NUP188: variants seen among roughly 807,000 people sequenced by gnomAD.
NUP188 encodes the protein nucleoporin 188.
A neutral mutation model predicts 223.0 loss-of-function variants in NUP188; 97 were observed. That is an observed-to-expected ratio of 0.43 (90% CI 0.37 to 0.51). The LOEUF is 0.51. Among genes scored for constraint, NUP188 ranks in the 20% least tolerant of loss-of-function variants. NUP188 has a pLI of 0.00. For synonymous variants in NUP188, 869 were observed against 828.0 expected, an observed-to-expected ratio of 1.05 and a Z score of -0.85; for missense variants, 1,947 against 2,175.6, an observed-to-expected ratio of 0.89 and a Z score of 2.09.
At chr9:129,001,370 G>A (rs1842662749) in intron 34 of NUP188, among the ~76,000 whole-genome samples, 159 bp from the exon 35 acceptor site, 1 of 152,154 alleles carries the variant, frequency 6.6e-6, no homozygotes. Flanking sequence ...ACATAGGAGA[G>A]GGGCAGGGTG....
chr9:128,959,679 C>T (rs571333772), intron 8 of NUP188, among the ~76,000 whole-genome samples: 1 of 151,286 alleles, frequency 6.6e-6, no homozygotes, highest in Non-Finnish European at 1.5e-5. Flanking sequence ...ATTACAGGCA[C>T]CTGCCACCAC....
Position 128,990,221 on chromosome 9 carries a change from G to T in NUP188, c.2635G>T (p.Ala879Ser). ...RLAIQLLKRL[A>S]TVAPMSVYAC... is the part of the protein sequence containing the mutation. The stretch of plus-strand genomic sequence containing the variant: ...TGCCATTCAGCTGCTGAAACGTCTG[G>T]CCACGGTAGGATCGTACTTCATGCA... Residue 879 changes from alanine (A) to serine (S), a missense_variant, in exon 25 of 44, where the codon GCC (alanine) becomes TCC (serine). This residue lies in a region of NUP188 where 225 missense variants were observed against 319.1 expected (regional missense o/e 0.71). Transcript: ENST00000372577. 1 of 1,612,112 alleles carries T rather than the reference G, an allele frequency of 6.2e-7. No homozygotes were observed. Among genetic ancestry groups the T allele is most frequent in the Non-Finnish European group, 8.5e-7 (1 of 1,178,206 alleles).
rs17508034 is a variant in NUP188 at position 128,981,693 on chromosome 9, C to T, written c.1516+303C>T. Among the ~76,000 whole-genome samples, 705 of 152,278 alleles carry T rather than the reference C, an allele frequency of 4.6e-3. 4 individuals carry two copies. The highest frequency in any genetic ancestry group is 0.016 in the African/African-American group (678 of 41,568). Reference sequence around the variant, plus strand: ...CCACTGACTTCTCCAGTCATCTAGGCACTAACAGTCCTATGAGGTACTGTT... The same window carrying T: ...CCACTGACTTCTCCAGTCATCTAGGTACTAACAGTCCTATGAGGTACTGTT... On this transcript the variant is annotated intron_variant, in intron 15 of 43. Coordinates refer to ENST00000372577, the MANE Select transcript of NUP188 (RefSeq NM_015354.3).
intron 15 of NUP188, among the ~76,000 whole-genome samples, 192 bp from the exon 16 acceptor site, chr9:128,982,357 G>C (rs1350793032): frequency 6.6e-6 from 1 of 151,682 alleles, no homozygotes; most frequent in Admixed American, 6.6e-5. Context: ...TTGAACCCAG[G>C]AGGTGGAGGT....
Position 129,006,094 on chromosome 9 carries a change from C to T in NUP188, c.4914C>T (p.Ser1638=), listed in dbSNP as rs61733549. ...KEPLTQAVGL[S]TQAEGTRTLK... is the part of the protein sequence containing the mutation. The stretch of plus-strand genomic sequence containing the variant: ...CCCTCACCCAGGCAGTGGGGCTCAG[C>T]ACACAGGCAGAAGGGACCAGGACGT... The change falls in exon 42 of 44, where the codon AGC becomes AGT. Residue 1638 remains serine, a synonymous_variant. Coordinates refer to ENST00000372577, the MANE Select transcript of NUP188 (RefSeq NM_015354.3). The T allele has an allele frequency of 2.6e-3, 4,239 of 1,614,154 alleles. 10 individuals carry two copies. The highest frequency in any genetic ancestry group is 3.1e-3 in the Non-Finnish European group (3,655 of 1,180,024).
At chr9:128,996,027 TGAGA>T (rs1162769890) in intron 30 of NUP188, among the ~76,000 whole-genome samples, 3 of 152,114 alleles carry the variant, frequency 2.0e-5, no homozygotes, top group East Asian at 1.9e-4. Flanking sequence ...GAGTTGGTTT[TGAGA>T]GAGAGAGATA....
At chr9:128,988,765 T>C (rs1444856100) in intron 24 of NUP188, among the ~76,000 whole-genome samples, 2 of 143,172 alleles carry the variant, frequency 1.4e-5, no homozygotes, top group African/African-American at 5.1e-5. Context: ...CTAGCTCTGT[T>C]GCCCAGGCTG....
At chr9:128,991,693 A>C (rs1842434630) in intron 25 of NUP188, among the ~76,000 whole-genome samples, 1 of 148,788 alleles carries the variant, frequency 6.7e-6, no homozygotes, top group Non-Finnish European at 1.5e-5. Flanking sequence ...ATACAAAAAA[A>C]TTAGCCGGGT....
chr9:128,988,692 A>C (rs955883603), intron 24 of NUP188, among the ~76,000 whole-genome samples: 3 of 144,350 alleles, frequency 2.1e-5, no homozygotes, highest in Non-Finnish European at 4.6e-5. Context: ...AGATTTTGAC[A>C]CATTCCAGAT....
In NUP188 at chr9:128,982,543, T is replaced by C. The variant is rs752724145; in HGVS notation, c.1517-6T>C. On this transcript the variant is annotated splice_region_variant and splice_polypyrimidine_tract_variant and intron_variant, in intron 15 of 43. Transcript: ENST00000372577. ...GATATTAGACTAATTTATCTTTCTCTCTCAGGGGGTCAAACCAACCTTCGC... is the reference window on the plus strand; with the variant it reads ...GATATTAGACTAATTTATCTTTCTCCCTCAGGGGGTCAAACCAACCTTCGC... 1.2e-6 allele frequency: 2 copies of C among 1,606,406 alleles called. No individual in the cohort carries two copies. The highest frequency in any genetic ancestry group is 1.3e-5 in the African/African-American group (1 of 74,716).
At chr9:129,002,785 G>A in intron 36 of NUP188, 32 bp from the exon 37 acceptor site, 2 of 1,607,750 alleles carry the variant, frequency 1.2e-6, no homozygotes, top group Non-Finnish European at 1.7e-6. Context: ...TCTCAGCAGG[G>A]TTCCTGAGCT....
rs764853235 is a variant in NUP188 at position 128,982,723 on chromosome 9, A to G, written c.1669+22A>G. 94 of 1,612,278 alleles carry G rather than the reference A, an allele frequency of 5.8e-5. 1 individual carries two copies. Among genetic ancestry groups the G allele is most frequent in the Non-Finnish European group, 7.5e-5 (89 of 1,179,272 alleles). ...GCAGGTAAGGTCAGCTTTCGGAAAC[A>G]TCACCTACGAGGAGGAAAAGTGGAT... On this transcript the variant is annotated intron_variant, in intron 16 of 43. Coordinates refer to ENST00000372577, the MANE Select transcript of NUP188 (RefSeq NM_015354.3).
rs893341532 is a variant in NUP188, at chr9:128,987,803, A to C, written c.2393+86A>C. 7 of 1,511,804 alleles carry C rather than the reference A, an allele frequency of 4.6e-6. No individual in the cohort carries two copies. The African/African-American group carries it at 8.3e-5, about 18-fold the overall frequency. The allele number at this position is 1,511,804 out of a possible 1,614,324, so 93.6% of individuals were successfully genotyped here. A position where few individuals can be genotyped will look rare whatever the true frequency, so the allele number is the denominator to read the frequency against. On this transcript the variant is annotated intron_variant, in intron 23 of 43. Transcript: ENST00000372577. ...ACTCCAGTTTAAGTTAACTTGCAGT[A>C]GCTTTTAGAAGACGACATTGTTCTT... is the stretch of plus-strand genomic sequence containing the variant.
chr9:128,957,751 A>G (rs891185381), intron 5 of NUP188, among the ~76,000 whole-genome samples: 1 of 152,142 alleles, frequency 6.6e-6, no homozygotes, highest in Admixed American at 6.6e-5. Context: ...GGCGTGAGCC[A>G]CCGCACCCGG....
chr9:128,970,643 A>G (rs1223938205), intron 10 of NUP188, 115 bp from the exon 11 acceptor site: 1 of 786,698 alleles, frequency 1.3e-6, no homozygotes, highest in African/African-American at 1.7e-5. Flanking sequence ...AAATATCAGA[A>G]TGAGAGAGTG....
intron 2 of NUP188, among the ~76,000 whole-genome samples, chr9:128,949,445 G>T (rs936845679): frequency 3.3e-5 from 5 of 151,928 alleles, no homozygotes; most frequent in Admixed American, 2.6e-4. Context: ...CGATTCTCCT[G>T]CCTCAGCTTC....
chr9:128,989,903 C>T (rs897841457), intron 24 of NUP188, among the ~76,000 whole-genome samples: 3 of 152,142 alleles, frequency 2.0e-5, no homozygotes, highest in Admixed American at 6.5e-5. Flanking sequence ...TCTTTGCTGT[C>T]GATGAGTTGG....
At chr9:128,961,559 T>C (rs1841952035) in intron 8 of NUP188, among the ~76,000 whole-genome samples, 1 of 148,688 alleles carries the variant, frequency 6.7e-6, no homozygotes, top group Non-Finnish European at 1.5e-5. Context: ...AGACACACTA[T>C]ATATATCTAT....
chr9:128,991,658 A>C (rs1842434007), intron 25 of NUP188, among the ~76,000 whole-genome samples: 2 of 151,726 alleles, frequency 1.3e-5, no homozygotes, highest in Admixed American at 6.6e-5. Flanking sequence ...CCTGGGCAAC[A>C]CGGTGAAACC....
Sources: gnomAD v4.1 joint callset for allele counts (sites outside exome capture counted in the v4.1 genomes callset) on GRCh38, gnomAD v4.1.1 for gene constraint, gnomAD v4.1.1 regional missense constraint, MANE v1.5 for transcripts, NCBI Gene and HGNC (gene_info 2026-07-23, HGNC 2026-07-21) for gene names.